Variants in POM121C observed in about 807,000 individuals in gnomAD.
The protein encoded by POM121C is nuclear envelope pore membrane protein POM 121C.
Under a neutral mutation model 66.4 loss-of-function variants are expected in POM121C, and 20 were observed. The ratio of observed to expected loss-of-function variants is 0.30; its 90% CI spans 0.21 to 0.44. The LOEUF is 0.44. Ranked by LOEUF, POM121C falls within the 20% of genes least tolerant of loss-of-function variation. The probability of loss-of-function intolerance (pLI) is 1.00; values close to 1 mark genes in which losing one functional copy is unlikely to be tolerated. For missense variants in POM121C, 580 were observed against 1,225.7 expected, an observed-to-expected ratio of 0.47 and a Z score of 7.87; for synonymous variants, 286 against 528.0, an observed-to-expected ratio of 0.54 and a Z score of 6.28.
intron 3 of POM121C, among the ~76,000 whole-genome samples, chr7:75,473,642 G>A (rs1233170878): frequency 6.6e-6 from 1 of 152,094 alleles, no homozygotes; most frequent in African/African-American, 2.4e-5. Context: ...AAATAAAATC[G>A]AGGGCAGAAA....
chr7:75,484,176 A>G lies in POM121C; in HGVS notation c.-458+1688T>C, dbSNP rs1792418598. 8 of 1,607,676 alleles carry G rather than the reference A, an allele frequency of 5.0e-6. 1 individual carries two copies. The East Asian group carries it at 1.8e-4, about 36-fold the overall frequency. ...ATCATAAAATAAAGTTGAGGAACATATACACAAGCAGGAAAACTCACCTGC... is the reference window on the plus strand; with the variant it reads ...ATCATAAAATAAAGTTGAGGAACATGTACACAAGCAGGAAAACTCACCTGC... On this transcript the variant is annotated intron_variant, in intron 1 of 14. Transcript: ENST00000615331.
At chr7:75,444,263 G>T (rs1190660220) in intron 3 of POM121C, among the ~76,000 whole-genome samples, 2 of 128,886 alleles carry the variant, frequency 1.6e-5, no homozygotes, top group African/African-American at 2.6e-5. Context: ...AAAAAGGGGG[G>T]GGGGGGCGGA....
intron 14 of POM121C, 150 bp from the exon 15 acceptor site, chr7:75,419,043 G>A (rs2429586): frequency 3.0e-5 from 44 of 1,445,370 alleles, no homozygotes; most frequent in East Asian, 1.5e-4. Flanking sequence ...TGTACGGGAG[G>A]AGCCTCCTGA....
chr7:75,431,762 C>T (rs1455992460), intron 7 of POM121C, among the ~76,000 whole-genome samples: 2 of 151,828 alleles, frequency 1.3e-5, no homozygotes, highest in African/African-American at 4.8e-5. Context: ...ACCAGCCTGG[C>T]CAACATGGTA....
At chr7:75,474,460 C>G (rs1554479073) in intron 3 of POM121C, among the ~76,000 whole-genome samples, 1 of 152,066 alleles carries the variant, frequency 6.6e-6, no homozygotes, top group African/African-American at 2.4e-5. Flanking sequence ...AAATAAGTGA[C>G]CGATAATGCT....
chr7:75,421,711 C>A lies in POM121C; in HGVS notation c.2541G>T (p.Gly847=). Residue 847 remains glycine, a synonymous_variant, in exon 13 of 15, where the codon GGG becomes GGT. Coordinates refer to ENST00000615331, the MANE Select transcript of POM121C (RefSeq NM_001099415.3). Reference sequence around the variant, plus strand: ...GGGTGGCCACGTTGATCCCAAAGCTCCCACTGCCAGCGGGGGCTGCCGAAC... The same window carrying A: ...GGGTGGCCACGTTGATCCCAAAGCTACCACTGCCAGCGGGGGCTGCCGAAC... ...FGGSAAPAGS[G]SFGINVATPG... 3 of 1,608,628 alleles carry A rather than the reference C, an allele frequency of 1.9e-6. No individual in the cohort carries two copies. The highest frequency in any genetic ancestry group is 2.5e-6 in the Non-Finnish European group (3 of 1,178,284).
chr7:75,441,567 G>C lies in POM121C; in HGVS notation c.-71C>G, dbSNP rs781863486. 2.5e-6 allele frequency: 4 copies of C among 1,610,988 alleles called. No homozygotes were observed. Among genetic ancestry groups the C allele is most frequent in the Non-Finnish European group, 3.4e-6 (4 of 1,178,488 alleles). On this transcript the variant is annotated 5_prime_UTR_variant, in exon 4 of 15. Transcript: ENST00000615331. ...CCAGCACACTGTGGGAAGTACCCCC[G>C]GACAGGAATACTGGGTCTGATGGAT...
At chr7:75,459,669 T>C (rs1791383522) in intron 3 of POM121C, among the ~76,000 whole-genome samples, 1 of 122,828 alleles carries the variant, frequency 8.1e-6, no homozygotes, top group Non-Finnish European at 1.8e-5. Flanking sequence ...GAAGAAAAAG[T>C]ATAAAAATTA....
Position 75,424,674 on chromosome 7 carries a change from G to A in POM121C, c.769-46C>T, listed in dbSNP as rs782657843. 14 of 1,609,414 alleles carry A rather than the reference G, an allele frequency of 8.7e-6. No homozygotes were observed. The Admixed American group carries it at 1.0e-4, about 11-fold the overall frequency. ...AAGTCAGGCCAATCAGAAAAAACGG[G>A]AAGGCTGGGCGTGGTGGCTAACGCC... On this transcript the variant is annotated intron_variant, in intron 10 of 14. Coordinates refer to ENST00000615331, the MANE Select transcript of POM121C (RefSeq NM_001099415.3).
intron 1 of POM121C, among the ~76,000 whole-genome samples, chr7:75,475,489 C>G (rs1387627567): frequency 6.6e-6 from 1 of 151,708 alleles, no homozygotes; most frequent in African/African-American, 2.4e-5. Flanking sequence ...AGGAGATAAA[C>G]ATGTAAACAA....
chr7:75,447,996 C>A (rs1430844055), intron 3 of POM121C, among the ~76,000 whole-genome samples: 1 of 151,092 alleles, frequency 6.6e-6, no homozygotes, highest in Non-Finnish European at 1.5e-5. Context: ...TGCACTCCAG[C>A]CTGGGCGACA....
At chr7:75,439,615 G>A (rs1323250692) in intron 5 of POM121C, among the ~76,000 whole-genome samples, 2 of 151,962 alleles carry the variant, frequency 1.3e-5, no homozygotes, top group Admixed American at 6.5e-5. Context: ...TGAGCTCCTG[G>A]GTTCCAGCGA....
chr7:75,483,937 C>A (rs1554480506), intron 1 of POM121C, among the ~76,000 whole-genome samples: 1 of 152,024 alleles, frequency 6.6e-6, no homozygotes, highest in East Asian at 1.9e-4. Context: ...CCCATCTCTT[C>A]TAAAAATACA....
chr7:75,417,224 T>G lies in POM121C; in HGVS notation c.*1572A>C. On this transcript the variant is annotated 3_prime_UTR_variant, in exon 15 of 15. Coordinates refer to ENST00000615331, the MANE Select transcript of POM121C (RefSeq NM_001099415.3). ...CATCTACATCACATTATTTATAAAA[T>G]AAGAATTACATTTCATATAACATGG... 8 of 950,020 alleles carry G rather than the reference T, an allele frequency of 8.4e-6. No individual in the cohort carries two copies. The highest frequency in any genetic ancestry group is 1.0e-5 in the Non-Finnish European group (8 of 796,518). 58.8% of individuals were successfully genotyped at this position (950,020 alleles called of 1,614,324 possible). A position where few individuals can be genotyped will look rare whatever the true frequency, so the allele number is the denominator to read the frequency against.
intron 3 of POM121C, among the ~76,000 whole-genome samples, chr7:75,468,621 C>T (rs1364675467): frequency 6.6e-6 from 1 of 152,006 alleles, no homozygotes; most frequent in Non-Finnish European, 1.5e-5. Context: ...GCCTGACTGA[C>T]TCCAGCATTT....
chr7:75,475,331 A>C (rs1240686449), intron 1 of POM121C, 143 bp from the exon 2 acceptor site: 6 of 928,712 alleles, frequency 6.5e-6, no homozygotes, highest in Non-Finnish European at 9.5e-6. Flanking sequence ...ATCATATTGG[A>C]AACACATATC....
intron 7 of POM121C, among the ~76,000 whole-genome samples, chr7:75,435,580 T>C (rs1790371118): frequency 2.0e-5 from 3 of 152,214 alleles, no homozygotes; most frequent in South Asian, 4.1e-4. Context: ...CGAACCTCAC[T>C]GTATATAAAG....
At chr7:75,432,570 T>A (rs1554472503) in intron 7 of POM121C, among the ~76,000 whole-genome samples, 1 of 152,128 alleles carries the variant, frequency 6.6e-6, no homozygotes, top group Non-Finnish European at 1.5e-5. Context: ...GGAGGGAGGT[T>A]TCTGGTGATG....
chr7:75,461,254 C>T (rs1443539212), intron 3 of POM121C, among the ~76,000 whole-genome samples: 1 of 152,006 alleles, frequency 6.6e-6, no homozygotes, highest in African/African-American at 2.4e-5. Flanking sequence ...AGACCATTCA[C>T]AGGAAAAAAA....
Sources: allele counts gnomAD v4.1 joint callset (sites outside exome capture counted in the v4.1 genomes callset), GRCh38; gene constraint gnomAD v4.1.1; transcripts MANE v1.5; gene names NCBI Gene and HGNC (gene_info 2026-07-23, HGNC 2026-07-21).